Variants in TCF20 observed in about 807,000 individuals in gnomAD.
TCF20 encodes transcription factor 20.
Under a neutral mutation model 148.6 loss-of-function variants are expected in TCF20, and 3 were observed. The observed-to-expected ratio is 0.02, with a 90% confidence interval of 0.01 to 0.05. TCF20 has a LOEUF of 0.05. Among genes scored for constraint, TCF20 ranks in the 10% least tolerant of loss-of-function variants. The probability of loss-of-function intolerance (pLI) is 1.00; values close to 1 mark genes in which losing one functional copy is unlikely to be tolerated. For missense variants in TCF20, 2,350 were observed against 2,429.3 expected (o/e 0.97, Z 0.69); for synonymous variants, 1,049 against 909.5 (o/e 1.15, Z -2.76).
At chr22:42,277,569 A>G (rs1240096566) in intron 1 of TCF20, among the ~76,000 whole-genome samples, 2 of 152,180 alleles carry the variant, frequency 1.3e-5, no homozygotes, top group East Asian at 3.8e-4. Context: ...GGTAGGAGGG[A>G]ACAAGTAGAT....
intron 5 of TCF20, among the ~76,000 whole-genome samples, chr22:42,166,810 A>G (rs1935816238): frequency 6.6e-6 from 1 of 152,176 alleles, no homozygotes; most frequent in Non-Finnish European, 1.5e-5. Context: ...CAGGTCTTCT[A>G]GGACACATTC....
intron 2 of TCF20, among the ~76,000 whole-genome samples, chr22:42,203,421 G>A (rs986225151): frequency 3.3e-5 from 5 of 152,002 alleles, no homozygotes; most frequent in African/African-American, 1.2e-4. Flanking sequence ...GAAATAAATC[G>A]TAGTAAAATT....
In TCF20 at chr22:42,215,190, T is replaced by G; in HGVS notation, c.116A>C (p.Gln39Pro). ...EFSPRQAQMF[Q>P]NFGGTGGSSG... ...ACTGCCACCTGTACCTCCAAAATTC[T>G]GGAACATCTGGGCCTGACGAGGGCT... Residue 39 changes from glutamine (Q) to proline (P), a missense_variant, in exon 2 of 6, where the codon CAG becomes CCG. By Grantham distance (76) the Gln-to-Pro change is moderately conservative. Coordinates refer to ENST00000677622, the MANE Select transcript of TCF20 (RefSeq NM_001378418.1). 6.2e-7 allele frequency: 1 copy of G among 1,614,160 alleles called. No homozygotes were observed.
intron 1 of TCF20, among the ~76,000 whole-genome samples, chr22:42,313,591 T>TCC (rs1257807405): frequency 8.2e-6 from 1 of 122,050 alleles, no homozygotes; most frequent in African/African-American, 3.8e-5. Flanking sequence ...CTCAACAGAA[T>TCC]TCTTTCTTTT....
chr22:42,238,044 G>C (rs1399053191), intron 1 of TCF20, among the ~76,000 whole-genome samples: 2 of 152,144 alleles, frequency 1.3e-5, no homozygotes, highest in Non-Finnish European at 2.9e-5. Flanking sequence ...TTGAAGCCAG[G>C]CACTGACTTC....
At chr22:42,253,109 T>C (rs1277377559) in intron 1 of TCF20, among the ~76,000 whole-genome samples, 1 of 152,210 alleles carries the variant, frequency 6.6e-6, no homozygotes, top group African/African-American at 2.4e-5. Context: ...TTTATTCATT[T>C]ATAAGTGGCA....
intron 2 of TCF20, among the ~76,000 whole-genome samples, chr22:42,204,527 T>C (rs1938258097): frequency 6.6e-6 from 1 of 151,358 alleles, no homozygotes; most frequent in Non-Finnish European, 1.5e-5. Context: ...CTAAATATAA[T>C]CTTTAATATA....
chr22:42,284,976 G>A (rs891078017), upstream of TCF20, among the ~76,000 whole-genome samples: 4 of 152,320 alleles, frequency 2.6e-5, no homozygotes, highest in East Asian at 1.9e-4. Flanking sequence ...GACCTGAGCC[G>A]CCTACTCCGT....
chr22:42,201,294 G>A (rs537907020), intron 2 of TCF20, among the ~76,000 whole-genome samples: 2 of 152,060 alleles, frequency 1.3e-5, no homozygotes, highest in African/African-American at 2.4e-5. Context: ...ATTTCTTTAC[G>A]GACTAATACA....
intron 2 of TCF20, among the ~76,000 whole-genome samples, chr22:42,188,717 G>C (rs1052538955): frequency 2.0e-5 from 3 of 152,146 alleles, no homozygotes; most frequent in African/African-American, 7.2e-5. Flanking sequence ...AGTTCCCTTA[G>C]GAGTTGATGG....
chr22:42,305,773 C>G (rs1300562011), intron 1 of TCF20, among the ~76,000 whole-genome samples: 7 of 152,174 alleles, frequency 4.6e-5, no homozygotes, highest in Non-Finnish European at 1.0e-4. Flanking sequence ...TCCCCCGTGG[C>G]TGGGAGATCC....
At chr22:42,249,949 T>G (rs1295200428) in intron 1 of TCF20, among the ~76,000 whole-genome samples, 1 of 152,136 alleles carries the variant, frequency 6.6e-6, no homozygotes, top group Non-Finnish European at 1.5e-5. Context: ...ATGTGTAAGC[T>G]CTGGCTGTGT....
At chr22:42,288,929 T>C (rs547636136), upstream of TCF20, among the ~76,000 whole-genome samples, 1 of 152,300 alleles carries the variant, frequency 6.6e-6, no homozygotes, top group South Asian at 2.1e-4. Flanking sequence ...CACTGCCACT[T>C]TGGTGCAAGC....
intron 2 of TCF20, among the ~76,000 whole-genome samples, chr22:42,192,756 G>T (rs6002649): frequency 6.6e-5 from 10 of 152,004 alleles, no homozygotes; most frequent in Admixed American, 1.3e-4. Flanking sequence ...CTCATTTCAG[G>T]TCACTCCCAC....
intron 2 of TCF20, among the ~76,000 whole-genome samples, chr22:42,187,132 C>T (rs1937082376): frequency 6.6e-6 from 1 of 152,126 alleles, no homozygotes. Context: ...TCTGCTGTGG[C>T]TGATTCTGGA....
At position 42,210,860 on chromosome 22, in the gene TCF20, G is replaced by A; in HGVS notation, c.4446C>T (p.Ser1482=). 1 of 1,614,156 alleles carries A rather than the reference G, an allele frequency of 6.2e-7. No homozygotes were observed. The highest frequency in any genetic ancestry group is 8.5e-7 in the Non-Finnish European group (1 of 1,180,036). Residue 1482 remains serine, a synonymous_variant, in exon 2 of 6, where the codon TCC becomes TCT. Coordinates refer to ENST00000677622, the MANE Select transcript of TCF20 (RefSeq NM_001378418.1). The surrounding 1 kb of genome is among the most constrained non-coding windows in gnomAD (Gnocchi z 4.7). ...AGATTAAAGGTGCTGTTCCACCCAGGGAACCATCTGGTCTCCCTTGGTTAC... is the reference window on the plus strand; with the variant it reads ...AGATTAAAGGTGCTGTTCCACCCAGAGAACCATCTGGTCTCCCTTGGTTAC... ...PGSNQGRPDG[S]LGGTAPLIFP...
At chr22:42,178,178 C>T (rs1379723801) in intron 3 of TCF20, among the ~76,000 whole-genome samples, 1 of 152,216 alleles carries the variant, frequency 6.6e-6, no homozygotes, top group African/African-American at 2.4e-5. Context: ...GCCCACACAT[C>T]TGGCCCTATG....
chr22:42,323,903 A>T (rs140007050), intron 1 of TCF20, among the ~76,000 whole-genome samples: 4,139 of 15,794 alleles, frequency 0.26, 191 homozygotes, highest in South Asian at 0.28. Flanking sequence ...ATGGTGGTGG[A>T]GGTGGTGGTG....
intron 1 of TCF20, among the ~76,000 whole-genome samples, chr22:42,254,205 G>C (rs908724172): frequency 6.6e-6 from 1 of 151,758 alleles, no homozygotes; most frequent in Non-Finnish European, 1.5e-5. Context: ...ATCAAGCACT[G>C]TTCTAGATGC....
Sources: allele counts gnomAD v4.1 joint callset (sites outside exome capture counted in the v4.1 genomes callset), GRCh38; gene constraint gnomAD v4.1.1; non-coding constraint Gnocchi (gnomAD v3.1); transcripts MANE v1.5; gene names NCBI Gene and HGNC (gene_info 2026-07-23, HGNC 2026-07-21).